The following ENPP6 variants were observed in gnomAD, a reference collection of about 807,000 sequenced individuals.
ENPP6 encodes the protein ectonucleotide pyrophosphatase/phosphodiesterase 6.
In ENPP6, 32 loss-of-function variants were observed where a neutral mutation model predicts 42.0. The ratio of observed to expected loss-of-function variants is 0.76; its 90% confidence interval spans 0.58 to 1.02. The LOEUF (loss-of-function observed/expected upper bound fraction) is 1.02, where lower values mean the gene tolerates loss of function less well. Among genes scored for constraint, ENPP6 ranks in the 50% least tolerant of loss-of-function variants. The probability of loss-of-function intolerance (pLI) is 0.00; values close to 1 mark genes in which losing one functional copy is unlikely to be tolerated. For missense variants in ENPP6, 552 were observed against 566.8 expected (o/e 0.97, Z 0.27); for synonymous variants, 213 against 216.0 (o/e 0.99, Z 0.12).
chr4:184,136,510 A>G (rs1736732181), intron 2 of ENPP6, among the ~76,000 whole-genome samples: 1 of 151,592 alleles, frequency 6.6e-6, no homozygotes, highest in Admixed American at 6.6e-5. Context: ...TATTTCCTTT[A>G]CTCTAGCTGG....
intron 2 of ENPP6, among the ~76,000 whole-genome samples, chr4:184,142,895 C>T (rs75496130): frequency 0.013 from 1,925 of 152,290 alleles, 22 homozygotes; most frequent in Non-Finnish European, 0.019. Flanking sequence ...GCACTTCTTC[C>T]GAGTGGGACC....
chr4:184,130,330 G>GCA (rs1560986792), intron 2 of ENPP6, among the ~76,000 whole-genome samples: 1 of 150,952 alleles, frequency 6.6e-6, no homozygotes, highest in Non-Finnish European at 1.5e-5. Flanking sequence ...AGGCCGAGGT[G>GCA]GGTGGATCAC....
At chr4:184,217,164 A>G (rs1733210684) in intron 1 of ENPP6, among the ~76,000 whole-genome samples, 1 of 152,050 alleles carries the variant, frequency 6.6e-6, no homozygotes, top group Admixed American at 6.5e-5. Context: ...ACAAGCCCAC[A>G]GGGTGCCAGG....
chr4:184,131,744 C>A (rs1281168183), intron 2 of ENPP6, among the ~76,000 whole-genome samples: 1 of 150,674 alleles, frequency 6.6e-6, no homozygotes, highest in Non-Finnish European at 1.5e-5. Flanking sequence ...ACCCATTTTC[C>A]ATTTCAGTGT....
In ENPP6 at chr4:184,142,491, C is replaced by T. The variant is rs150412736; in HGVS notation, c.421+11063G>A. Among the ~76,000 whole-genome samples the T allele has an allele frequency of 4.9e-4, 67 of 136,886 alleles. 2 individuals are homozygous for T. The South Asian group carries it at 8.7e-3, about 18-fold the overall frequency. 89.8% of individuals were successfully genotyped at this position (136,886 alleles called of 152,430 possible). On this transcript the variant is annotated intron_variant, in intron 2 of 7. Transcript: ENST00000296741. Reference sequence around the variant, plus strand: ...TCAGAGACACTTTTCCTGGGGTTGGCCTTGCCCACGGGGCTGGGGGACGTT... The same window carrying T: ...TCAGAGACACTTTTCCTGGGGTTGGTCTTGCCCACGGGGCTGGGGGACGTT...
In ENPP6 at chr4:184,126,983, G is replaced by A. The variant is rs562313152; in HGVS notation, c.422-2711C>T. On this transcript the variant is annotated intron_variant, in intron 2 of 7. Transcript: ENST00000296741. ...TGAAACATGCTAAAAACAGTAAAAC[G>A]TGCCCCATAATTAAGAGAAAAAATA... Among the ~76,000 whole-genome samples, 30 of 152,112 alleles carry A rather than the reference G, an allele frequency of 2.0e-4. No individual in the cohort carries two copies. The East Asian group carries it at 3.9e-3, about 20-fold the overall frequency.
intron 3 of ENPP6, among the ~76,000 whole-genome samples, chr4:184,120,183 C>G (rs142307729): frequency 2.0e-5 from 3 of 152,260 alleles, no homozygotes; most frequent in Admixed American, 2.0e-4. Context: ...GTCTCCTAGC[C>G]CCAGCCTGAT....
At chr4:184,108,613 T>C (rs1269172408) in intron 6 of ENPP6, among the ~76,000 whole-genome samples, 3 of 152,210 alleles carry the variant, frequency 2.0e-5, no homozygotes, top group Non-Finnish European at 4.4e-5. Context: ...CAATGTTATA[T>C]TAAAGTAGAA....
At chr4:184,193,805 C>T (rs992230338) in intron 1 of ENPP6, among the ~76,000 whole-genome samples, 14 of 152,172 alleles carry the variant, frequency 9.2e-5, no homozygotes, top group African/African-American at 3.4e-4. Context: ...ACCTACAAAG[C>T]ATTTTTCCTC....
rs2111321479 is a variant in ENPP6 at position 184,089,036 on chromosome 4, G to C, written c.*2141C>G. 1 of 152,246 alleles carries C rather than the reference G, an allele frequency of 6.6e-6. No homozygotes were observed. Among genetic ancestry groups the C allele is most frequent in the East Asian group, 1.9e-4 (1 of 5,174 alleles). The allele number at this position is 152,246 out of a possible 1,614,324, so 9.4% of individuals were successfully genotyped here. A position where few individuals can be genotyped will look rare whatever the true frequency, so the allele number is the denominator to read the frequency against. On this transcript the variant is annotated 3_prime_UTR_variant, in exon 8 of 8. Transcript: ENST00000296741. ...CTTCCTCCACAGTGGAGGAAAGTGG[G>C]CTCTACTGAATTCATTGGAACACCG...
chr4:184,132,821 A>G (rs1411681224), intron 2 of ENPP6, among the ~76,000 whole-genome samples: 1 of 120,730 alleles, frequency 8.3e-6, no homozygotes, highest in East Asian at 2.3e-4. Context: ...ACATATATAC[A>G]CACACACACA....
intron 1 of ENPP6, among the ~76,000 whole-genome samples, chr4:184,194,684 T>A (rs1162847223): frequency 6.6e-6 from 1 of 152,188 alleles, no homozygotes; most frequent in Non-Finnish European, 1.5e-5. Flanking sequence ...GGAGTCAACC[T>A]GTCCCGGGAG....
rs183282085 is a variant in ENPP6 at position 184,148,309 on chromosome 4, C to T, written c.421+5245G>A. ...CCATGATTTGTGAAGGTTGGAAGTT[C>T]GTCCCTGGATTTCTCGTTAAAACTT... is the stretch of plus-strand genomic sequence containing the variant. On this transcript the variant is annotated intron_variant, in intron 2 of 7. Transcript: ENST00000296741. 2.3e-3 allele frequency among the ~76,000 whole-genome samples: 345 copies of T among 152,214 alleles called. 2 individuals carry two copies. Among genetic ancestry groups the T allele is most frequent in the Non-Finnish European group, 4.3e-3 (294 of 68,022 alleles).
intron 5 of ENPP6, among the ~76,000 whole-genome samples, chr4:184,115,014 T>C (rs1736290239): frequency 6.6e-6 from 1 of 151,980 alleles, no homozygotes; most frequent in African/African-American, 2.4e-5. Flanking sequence ...ACAGATCTTA[T>C]AGGGCAGTAG....
intron 1 of ENPP6, among the ~76,000 whole-genome samples, chr4:184,193,826 C>A (rs1389392666): frequency 1.3e-5 from 2 of 152,202 alleles, no homozygotes; most frequent in Non-Finnish European, 2.9e-5. Flanking sequence ...CTTTCCAGCT[C>A]CCTAGGGGTT....
intron 2 of ENPP6, among the ~76,000 whole-genome samples, chr4:184,130,701 G>T (rs996542493): frequency 3.0e-5 from 4 of 134,228 alleles, no homozygotes; most frequent in African/African-American, 1.1e-4. Flanking sequence ...TATATCATTT[G>T]CAGCAGACAA....
intron 1 of ENPP6, among the ~76,000 whole-genome samples, chr4:184,168,766 C>T (rs1175446482): frequency 4.6e-5 from 7 of 152,158 alleles, no homozygotes; most frequent in Non-Finnish European, 1.0e-4. Flanking sequence ...CTGAAGATGC[C>T]GAGAATGTAG....
chr4:184,159,662 T>C (rs1737230114), intron 1 of ENPP6, among the ~76,000 whole-genome samples: 1 of 152,236 alleles, frequency 6.6e-6, no homozygotes. Flanking sequence ...TTTAAATATC[T>C]TATTTCAATA....
intron 1 of ENPP6, among the ~76,000 whole-genome samples, chr4:184,174,587 G>A (rs1250582729): frequency 5.8e-5 from 1 of 17,210 alleles, no homozygotes; most frequent in African/African-American, 8.9e-5. Flanking sequence ...TTTACCTAAG[G>A]GAAAACCGAG....
Sources: allele counts gnomAD v4.1 joint callset (sites outside exome capture counted in the v4.1 genomes callset), GRCh38; gene constraint gnomAD v4.1.1; transcripts MANE v1.5; gene names NCBI Gene and HGNC (gene_info 2026-07-23, HGNC 2026-07-21).